The following PTPRF variants were observed in gnomAD, a reference collection of about 807,000 sequenced individuals.
PTPRF encodes the protein receptor-type tyrosine-protein phosphatase F.
Under a neutral mutation model 201.8 loss-of-function variants are expected in PTPRF, and 59 were observed. The ratio of observed to expected loss-of-function variants is 0.29; its 90% CI spans 0.24 to 0.36. The LOEUF (loss-of-function observed/expected upper bound fraction) is 0.36. Ranked by LOEUF, PTPRF falls within the 10% of genes least tolerant of loss-of-function variation. PTPRF has a pLI of 1.00. For synonymous variants in PTPRF, 1,088 were observed against 1,089.7 expected (o/e 1.00, Z 0.03); for missense variants, 2,132 against 2,690.5 (o/e 0.79, Z 4.59).
rs765439684 is a variant in PTPRF, at chr1:43,619,871, GTCAC to G, written c.5111+15_5111+18del. On this transcript the variant is annotated intron_variant, in intron 29 of 33. Coordinates refer to ENST00000359947, the MANE Select transcript of PTPRF (RefSeq NM_002840.5). ...TGGATGGTTATAGGTCAGCATGCAT[GTCAC>G]TGCCCCACCATGCCCTACAGGGGCC... 42 of 1,612,794 alleles carry G rather than the reference GTCAC, an allele frequency of 2.6e-5. No homozygotes were observed. The highest frequency in any genetic ancestry group is 3.6e-5 in the Non-Finnish European group (42 of 1,179,274).
At chr1:43,575,955 A>T (rs1646898331) in intron 6 of PTPRF, 4 of 1,364,432 alleles carry the variant, frequency 2.9e-6, no homozygotes, top group Non-Finnish European at 3.9e-6. Context: ...GCCTCTCGCC[A>T]CACCACGCCT....
Position 43,605,355 on chromosome 1 carries a change from C to T in PTPRF, c.3301C>T (p.Pro1101Ser). ...VSIRTAPDLLPHKPLPASAYI... is the reference protein window; with the variant it reads ...VSIRTAPDLLSHKPLPASAYI... The stretch of plus-strand genomic sequence containing the variant: ...CATCCGCACAGCCCCCGACCTCCTG[C>T]CTCACAAGCCGCTGCCTGCCTCTGC... The change falls in exon 18 of 34, where the codon CCT (proline) becomes TCT (serine). Residue 1101 changes from proline (P) to serine (S), a missense_variant. Around this residue, in one of 6 missense-constraint regions of PTPRF, gnomAD observed 818 missense variants for 915.3 expected, o/e 0.89. Coordinates refer to ENST00000359947, the MANE Select transcript of PTPRF (RefSeq NM_002840.5). The T allele has an allele frequency of 1.2e-6, 2 of 1,613,914 alleles. No individual in the cohort carries two copies. Among genetic ancestry groups the T allele is most frequent in the South Asian group, 1.1e-5 (1 of 91,074 alleles).
chr1:43,534,739 C>T (rs757844649), intron 1 of PTPRF, among the ~76,000 whole-genome samples: 1 of 152,048 alleles, frequency 6.6e-6, no homozygotes, highest in Non-Finnish European at 1.5e-5. Flanking sequence ...CCAAGAGAAG[C>T]GAGAGCTGTA....
Position 43,622,010 on chromosome 1 carries a change from C to G in PTPRF, c.*7C>G. Reference sequence around the variant, plus strand: ...TGACCACTATGCAACGTAACTACCGCTCCCCTCTCCTCCGCCACCCCCGCC... The same window carrying G: ...TGACCACTATGCAACGTAACTACCGGTCCCCTCTCCTCCGCCACCCCCGCC... On this transcript the variant is annotated 3_prime_UTR_variant, in exon 34 of 34. Coordinates refer to ENST00000359947, the MANE Select transcript of PTPRF (RefSeq NM_002840.5). 6.2e-7 allele frequency: 1 copy of G among 1,613,758 alleles called. No individual in the cohort carries two copies.
rs578039615 is a variant in PTPRF at position 43,567,509 on chromosome 1, C to T, written c.380-2081C>T. 2.8e-4 allele frequency among the ~76,000 whole-genome samples: 42 copies of T among 152,322 alleles called. 1 individual carries two copies. Among genetic ancestry groups the T allele is most frequent in the Non-Finnish European group, 2.9e-4 (20 of 68,028 alleles). ...CCAGGAAAGGCTGGGGCGGCAAGGC[C>T]GTGCTGGGAATCCTATTGCTCTCTA... is the stretch of plus-strand genomic sequence containing the variant. On this transcript the variant is annotated intron_variant, in intron 5 of 33. Coordinates refer to ENST00000359947, the MANE Select transcript of PTPRF (RefSeq NM_002840.5).
intron 26 of PTPRF, 126 bp downstream of exon 26, chr1:43,618,875 A>AGTGATGT: frequency 6.8e-7 from 1 of 1,460,930 alleles, no homozygotes; most frequent in Non-Finnish European, 9.3e-7. Flanking sequence ...CAGGTGTGTG[A>AGTGATGT]GTGATGTGAT....
intron 23 of PTPRF, among the ~76,000 whole-genome samples, chr1:43,615,469 CCCT>C (rs1170102132): frequency 4.6e-5 from 7 of 151,852 alleles, no homozygotes; most frequent in African/African-American, 1.7e-4. Context: ...CCTTACAAGA[CCCT>C]CCTCCTCCAG....
At chr1:43,569,856 C>G in intron 6 of PTPRF, 78 bp downstream of exon 6, 2 of 1,457,854 alleles carry the variant, frequency 1.4e-6, no homozygotes, top group South Asian at 1.4e-5. Flanking sequence ...CAGCCTACTC[C>G]CTTGGGCCTG....
rs770071834 is a variant in PTPRF, at chr1:43,618,677, C to T, written c.4419C>T (p.Gly1473=). The change falls in exon 26 of 34, where the codon GGC becomes GGT. Residue 1473 remains glycine, a synonymous_variant. Transcript: ENST00000359947. ...YWPARGTETC[G]LIQVTLLDTV... ...CAGCCCGTGGCACCGAGACCTGTGGCCTTATTCAGGTGACCCTGTTGGACA... is the reference window on the plus strand; with the variant it reads ...CAGCCCGTGGCACCGAGACCTGTGGTCTTATTCAGGTGACCCTGTTGGACA... The T allele has an allele frequency of 6.2e-7, 1 of 1,612,902 alleles. No homozygotes were observed. Among genetic ancestry groups the T allele is most frequent in the South Asian group, 1.1e-5 (1 of 91,040 alleles).
chr1:43,615,562 T>TTC (rs1418702655), intron 23 of PTPRF, among the ~76,000 whole-genome samples: 2 of 62,268 alleles, frequency 3.2e-5, no homozygotes, highest in African/African-American at 1.1e-4. Context: ...TTTTTTTTTT[T>TTC]TTTTTTTTTT....
intron 2 of PTPRF, among the ~76,000 whole-genome samples, chr1:43,538,763 TTGGTGCCTGCA>T (rs1557664539): frequency 6.6e-6 from 1 of 152,210 alleles, no homozygotes; most frequent in Non-Finnish European, 1.5e-5. Context: ...TAGAAAGAGC[TTGGTGCCTGCA>T]GGATCTGGGC....
chr1:43,597,738 T>TTTTCCCC lies in PTPRF; in HGVS notation c.1814-10_1814-9insTTTCCCC. 1 of 1,459,806 alleles carries TTTTCCCC rather than the reference T, an allele frequency of 6.9e-7. No homozygotes were observed. The highest frequency in any genetic ancestry group is 1.2e-5 in the South Asian group (1 of 82,020). 90.4% of individuals were successfully genotyped at this position (1,459,806 alleles called of 1,614,324 possible). A position where few individuals can be genotyped will look rare whatever the true frequency, so the allele number is the denominator to read the frequency against. ...CATCTGCTTGCTTCCCCCCCATTTG[T>TTTTCCCC]CTTCCCCAGCCCCCTCCGCCCCTCC... On this transcript the variant is annotated splice_polypyrimidine_tract_variant and intron_variant, in intron 11 of 33. Coordinates refer to ENST00000359947, the MANE Select transcript of PTPRF (RefSeq NM_002840.5).
chr1:43,539,153 G>A (rs1644208281), intron 2 of PTPRF, among the ~76,000 whole-genome samples: 1 of 152,226 alleles, frequency 6.6e-6, no homozygotes, highest in Admixed American at 6.5e-5. Flanking sequence ...GTGATTGAAG[G>A]CAGGAAGCCC....
rs921153062 is a variant in PTPRF, at chr1:43,622,304, G to A, written c.*301G>A. The A allele has an allele frequency of 1.2e-5, 5 of 423,092 alleles. No homozygotes were observed. Among genetic ancestry groups the A allele is most frequent in the Non-Finnish European group, 2.2e-5 (5 of 232,554 alleles). 26.2% of individuals were successfully genotyped at this position (423,092 alleles called of 1,614,324 possible). ...GCATTTCTCATGCTTCTTCTCATGG[G>A]GTGGGGTTGGGGCAAAGCCTCCTTT... On this transcript the variant is annotated 3_prime_UTR_variant, in exon 34 of 34. Coordinates refer to ENST00000359947, the MANE Select transcript of PTPRF (RefSeq NM_002840.5).
chr1:43,584,020 A>G (rs1404799956), intron 7 of PTPRF, among the ~76,000 whole-genome samples: 1 of 152,144 alleles, frequency 6.6e-6, no homozygotes, highest in African/African-American at 2.4e-5. Flanking sequence ...TGACTCAGCC[A>G]CAGGTTAGGA....
At chr1:43,606,182 T>C (rs512579) in intron 19 of PTPRF, 58 bp from the exon 20 acceptor site, 1,251,113 of 1,549,260 alleles carry the variant, frequency 0.81, 509,891 homozygotes, top group African/African-American at 0.95. Context: ...GGCCACAGCC[T>C]CAGGGCTGGC....
In PTPRF at chr1:43,606,803, C is replaced by T. The variant is rs113634011; in HGVS notation, c.3703-11C>T. ...TGAGCTCACAGCCTGCTGTTCTCCA[C>T]CGGGCCACAGAAGCGCTATGCCTCC... On this transcript the variant is annotated splice_polypyrimidine_tract_variant and intron_variant, in intron 20 of 33. Coordinates refer to ENST00000359947, the MANE Select transcript of PTPRF (RefSeq NM_002840.5). 419 of 1,611,846 alleles carry T rather than the reference C, an allele frequency of 2.6e-4. No homozygotes were observed. In the African/African-American group the frequency reaches 5.1e-3, roughly 19 times the overall value.
In PTPRF at chr1:43,575,811, C is replaced by A. The variant is rs535206908; in HGVS notation, c.569-2999C>A. 26 of 1,121,980 alleles carry A rather than the reference C, an allele frequency of 2.3e-5. No individual in the cohort carries two copies. The Admixed American group carries it at 3.0e-4, about 13-fold the overall frequency. The allele number at this position is 1,121,980 out of a possible 1,614,324, so 69.5% of individuals were successfully genotyped here. A position where few individuals can be genotyped will look rare whatever the true frequency, so the allele number is the denominator to read the frequency against. ...TTTCTCCATGTATTTAAGGCCCTTT[C>A]TTGTGTTTTATTTTACCTGATTTGG... is the stretch of plus-strand genomic sequence containing the variant. On this transcript the variant is annotated intron_variant, in intron 6 of 33. Transcript: ENST00000359947.
In PTPRF at chr1:43,620,106, C is replaced by T. The variant is rs1205474230; in HGVS notation, c.5123C>T (p.Ala1708Val). Residue 1708 changes from alanine to valine, a missense_variant, in exon 30 of 34, where the codon GCC (alanine) becomes GTC (valine). By Grantham distance (64) the Ala-to-Val change is moderately conservative. Transcript: ENST00000359947. ...SFLDGYRQQKAYIATQGPLAE... is the reference protein window; with the variant it reads ...SFLDGYRQQKVYIATQGPLAE... The stretch of plus-strand genomic sequence containing the variant: ...TATGTCCACCCCAGACAGCAGAAGG[C>T]CTACATAGCTACACAGGGGCCTCTG... 1.2e-6 allele frequency: 2 copies of T among 1,613,964 alleles called. No homozygotes were observed. Among genetic ancestry groups the T allele is most frequent in the Non-Finnish European group, 1.7e-6 (2 of 1,179,974 alleles).
Sources: allele counts gnomAD v4.1 joint callset (sites outside exome capture counted in the v4.1 genomes callset), GRCh38; gene constraint gnomAD v4.1.1; regional missense constraint gnomAD v4.1.1; transcripts MANE v1.5; gene names NCBI Gene and HGNC (gene_info 2026-07-23, HGNC 2026-07-21).